Variants in PIK3R3 observed in about 807,000 individuals in gnomAD.
PIK3R3 encodes the protein phosphoinositide-3-kinase regulatory subunit 3.
In PIK3R3, 64 loss-of-function variants were observed where a neutral mutation model predicts 62.9. That is an observed-to-expected ratio of 1.02 (90% CI 0.83 to 1.25). The LOEUF (loss-of-function observed/expected upper bound fraction) is 1.25, where lower values mean the gene tolerates loss of function less well. Among genes scored for constraint, PIK3R3 ranks in the 50% most tolerant of loss-of-function variants. The pLI is 0.00. For missense variants in PIK3R3, 614 were observed against 561.6 expected, an observed-to-expected ratio of 1.09 and a Z score of -0.94; for synonymous variants, 165 against 189.0, an observed-to-expected ratio of 0.87 and a Z score of 1.04.
chr1:46,047,637 C>T (rs1647151995), intron 7 of PIK3R3, among the ~76,000 whole-genome samples: 2 of 152,180 alleles, frequency 1.3e-5, no homozygotes, highest in African/African-American at 4.8e-5. Flanking sequence ...CAGGTTTCAT[C>T]ATCAACACCA....
the PIK3R3 span, among the ~76,000 whole-genome samples, chr1:46,148,352 C>G: frequency 6.6e-6 from 1 of 152,224 alleles, no homozygotes; most frequent in Non-Finnish European, 1.5e-5. Context: ...GAACCAGACT[C>G]GTTCCCAGTT....
chr1:46,059,534 C>T (rs1648268523), intron 6 of PIK3R3, among the ~76,000 whole-genome samples: 2 of 152,298 alleles, frequency 1.3e-5, no homozygotes, highest in South Asian at 4.1e-4. Context: ...ACTATTAAAA[C>T]TTCATATGCT....
intron 1 of PIK3R3, among the ~76,000 whole-genome samples, chr1:46,128,549 T>C (rs975692605): frequency 2.6e-5 from 4 of 152,324 alleles, no homozygotes; most frequent in Middle Eastern, 3.4e-3. Context: ...GCTACTACAA[T>C]AGCCAAGCAA....
At chr1:46,102,099 C>T (rs1421831990) in intron 1 of PIK3R3, among the ~76,000 whole-genome samples, 3 of 146,460 alleles carry the variant, frequency 2.0e-5, no homozygotes, top group Non-Finnish European at 3.0e-5. Context: ...CATTCTTCTG[C>T]CTCAGCCTCC....
chr1:46,053,135 C>T (rs1488492573), intron 7 of PIK3R3, among the ~76,000 whole-genome samples: 1 of 152,124 alleles, frequency 6.6e-6, no homozygotes, highest in East Asian at 1.9e-4. Flanking sequence ...TGGAAGCAGC[C>T]CTTCCAAAAG....
chr1:46,091,104 C>T, intron 1 of PIK3R3, among the ~76,000 whole-genome samples: 1 of 150,768 alleles, frequency 6.6e-6, no homozygotes. Flanking sequence ...AGCTGTGGAA[C>T]TAAAGGCATG....
At chr1:46,170,739 T>C in the PIK3R3 span, among the ~76,000 whole-genome samples, 1 of 152,174 alleles carries the variant, frequency 6.6e-6, no homozygotes, top group African/African-American at 2.4e-5. Flanking sequence ...TTTAAGCTTA[T>C]GTGTCCCAGG....
chr1:46,096,747 G>A (rs1652163006), intron 1 of PIK3R3, among the ~76,000 whole-genome samples: 1 of 151,602 alleles, frequency 6.6e-6, no homozygotes, highest in Non-Finnish European at 1.5e-5. Context: ...AGGCTGAGGT[G>A]GGAGGATCGC....
chr1:46,095,072 C>T lies in PIK3R3; in HGVS notation c.107-14322G>A, dbSNP rs144143561. Among the ~76,000 whole-genome samples, 10 of 152,228 alleles carry T rather than the reference C, an allele frequency of 6.6e-5. No individual in the cohort carries two copies. The East Asian group carries it at 1.7e-3, about 26-fold the overall frequency. Reference sequence around the variant, plus strand: ...AATTACTTCAACAACTAGAGTGTGGCGATTCCTCAAAGACCTAAAGGCAGA... The same window carrying T: ...AATTACTTCAACAACTAGAGTGTGGTGATTCCTCAAAGACCTAAAGGCAGA... On this transcript the variant is annotated intron_variant, in intron 1 of 9. Coordinates refer to ENST00000262741, the MANE Select transcript of PIK3R3 (RefSeq NM_003629.4).
chr1:46,072,309 TA>T (rs1167469729), intron 3 of PIK3R3, among the ~76,000 whole-genome samples: 1 of 152,248 alleles, frequency 6.6e-6, no homozygotes, highest in Admixed American at 6.5e-5. Context: ...AACTATTTAT[TA>T]AATTGAATTA....
chr1:46,136,674 ACACCTC>A (rs1423351152), upstream of PIK3R3, among the ~76,000 whole-genome samples: 1 of 152,112 alleles, frequency 6.6e-6, no homozygotes, highest in African/African-American at 2.4e-5. Flanking sequence ...CCTCACTTAT[ACACCTC>A]AGCATGTGAT....
upstream of PIK3R3, among the ~76,000 whole-genome samples, chr1:46,135,117 T>C (rs1252595774): frequency 6.6e-6 from 1 of 152,206 alleles, no homozygotes; most frequent in African/African-American, 2.4e-5. Flanking sequence ...TTCTGGTCTT[T>C]CTTTCAGTTG....
intron 1 of PIK3R3, among the ~76,000 whole-genome samples, chr1:46,120,659 AC>A (rs1474469540): frequency 6.6e-6 from 1 of 152,244 alleles, no homozygotes; most frequent in East Asian, 1.9e-4. Flanking sequence ...CTGTTTATTG[AC>A]AAAGACAATA....
At chr1:46,079,287 T>A (rs571213827) in intron 2 of PIK3R3, among the ~76,000 whole-genome samples, 1 of 152,278 alleles carries the variant, frequency 6.6e-6, no homozygotes, top group African/African-American at 2.4e-5. Flanking sequence ...AAAAATTTAG[T>A]AAGAAAATAC....
Position 46,043,789 on chromosome 1 carries a change from A to G in PIK3R3, c.1270T>C (p.Ser424Pro). 2 of 1,614,098 alleles carry G rather than the reference A, an allele frequency of 1.2e-6. No homozygotes were observed. The highest frequency in any genetic ancestry group is 1.1e-5 in the South Asian group (1 of 91,080). The stretch of plus-strand genomic sequence containing the variant: ...TAATGGAGCACTAGCTCCTTCAGAG[A>G]GCTGTACAGGTTGTAGGGCTCTGCA... ...GFAEPYNLYS[S>P]LKELVLHYQQ... is the part of the protein sequence containing the mutation. Residue 424 changes from serine (S) to proline (P), a missense_variant, in exon 10 of 10, where the codon TCT becomes CCT. By Grantham distance (74) the Ser-to-Pro change is moderately conservative (BLOSUM62 -1). Transcript: ENST00000262741.
chr1:46,059,715 G>A lies in PIK3R3; in HGVS notation c.764+2214C>T, dbSNP rs933145929. ...AGGCTGAGGCAAGTGGATCCCGTGA[G>A]CCCAGGAGGTTGAGGCTGCAGTGAG... is the stretch of plus-strand genomic sequence containing the variant. On this transcript the variant is annotated intron_variant, in intron 6 of 9. Transcript: ENST00000262741. Among the ~76,000 whole-genome samples, 8 of 152,140 alleles carry A rather than the reference G, an allele frequency of 5.3e-5. No homozygotes were observed. In the South Asian group the frequency reaches 1.2e-3, roughly 24 times the overall value.
rs931709178 is a variant in PIK3R3 at position 46,040,542 on chromosome 1, C to T, written c.*3131G>A. On this transcript the variant is annotated 3_prime_UTR_variant, in exon 10 of 10. Transcript: ENST00000262741. ...AGCTAAAGCAGGTTTGAGCAGTTGG[C>T]AGCAGAGGGCCCAAGCAGGCCCCCT... The T allele has an allele frequency of 2.6e-5, 6 of 227,486 alleles. No individual in the cohort carries two copies. The highest frequency in any genetic ancestry group is 1.3e-4 in the African/African-American group (6 of 44,976). 14.1% of individuals were successfully genotyped at this position (227,486 alleles called of 1,614,324 possible).
chr1:46,127,854 C>T (rs1164955046), intron 1 of PIK3R3, among the ~76,000 whole-genome samples: 3 of 152,208 alleles, frequency 2.0e-5, no homozygotes, highest in Admixed American at 6.5e-5. Flanking sequence ...TTAGCCACCA[C>T]ACCTAGCCAA....
In PIK3R3 at chr1:46,131,888, T is replaced by TAGG; in HGVS notation, c.62_64dup (p.Pro21_Tyr22insSer). On this transcript the variant is annotated inframe_insertion, in exon 1 of 10. Coordinates refer to ENST00000262741, the MANE Select transcript of PIK3R3 (RefSeq NM_003629.4). Reference sequence around the variant, plus strand: ...AATATAAAATATCAGTTCTGTCGAATAGGGCATCATCACCTCCCTCCAGTC... The same window carrying TAGG: ...AATATAAAATATCAGTTCTGTCGAATAGGAGGGCATCATCACCTCCCTCCAGTC... The TAGG allele has an allele frequency of 6.2e-7, 1 of 1,613,312 alleles. No homozygotes were observed. Among genetic ancestry groups the TAGG allele is most frequent in the Non-Finnish European group, 8.5e-7 (1 of 1,179,454 alleles).
Sources: allele counts gnomAD v4.1 joint callset (sites outside exome capture counted in the v4.1 genomes callset), GRCh38; gene constraint gnomAD v4.1.1; transcripts MANE v1.5; gene names NCBI Gene and HGNC (gene_info 2026-07-23, HGNC 2026-07-21).